SZRD1: variants seen among roughly 807,000 people sequenced by gnomAD.
SZRD1 encodes the protein SUZ RNA-binding domain-containing.
A neutral mutation model predicts 17.6 loss-of-function variants in SZRD1; 7 were observed. The ratio of observed to expected loss-of-function variants is 0.40; its 90% CI spans 0.23 to 0.75. The LOEUF (loss-of-function observed/expected upper bound fraction) is 0.75. Ranked by LOEUF, SZRD1 falls within the 30% of genes least tolerant of loss-of-function variation. The pLI is 0.38. For missense variants in SZRD1, 178 were observed against 201.8 expected, an observed-to-expected ratio of 0.88 and a Z score of 0.71; for synonymous variants, 77 against 77.9, an observed-to-expected ratio of 0.99 and a Z score of 0.06.
intron 3 of SZRD1, among the ~76,000 whole-genome samples, chr1:16,394,494 G>T (rs913521969): frequency 6.6e-6 from 1 of 152,200 alleles, no homozygotes; most frequent in East Asian, 1.9e-4. Context: ...ACAAGTGCAT[G>T]ATGGCAGCTG....
At chr1:16,389,282 G>T (rs1439110084) in intron 1 of SZRD1, among the ~76,000 whole-genome samples, 1 of 132,122 alleles carries the variant, frequency 7.6e-6, no homozygotes, top group Non-Finnish European at 1.6e-5. Flanking sequence ...GGGGTGGGGG[G>T]GGGGCAGAGT....
chr1:16,367,460 T>C, intron 1 of SZRD1, 152 bp downstream of exon 1: 1 of 675,134 alleles, frequency 1.5e-6, no homozygotes, highest in Non-Finnish European at 2.4e-6. Flanking sequence ...CTGAGCGCCG[T>C]GAAGGCCTCT....
At chr1:16,374,370 G>A (rs151166321) in intron 1 of SZRD1, among the ~76,000 whole-genome samples, 165 of 152,280 alleles carry the variant, frequency 1.1e-3, no homozygotes, top group Non-Finnish European at 1.1e-3. Flanking sequence ...GTTTCACTGT[G>A]GCTTCAAAGA....
chr1:16,368,128 CAA>C (rs2082854070), intron 1 of SZRD1: 1 of 152,212 alleles, frequency 6.6e-6, no homozygotes, highest in African/African-American at 2.4e-5. Context: ...TAGTTTATCT[CAA>C]AGAGGATCTG....
chr1:16,391,473 G>T lies in SZRD1; in HGVS notation c.101+49G>T, dbSNP rs941163072. 8.8e-6 allele frequency: 13 copies of T among 1,484,490 alleles called. No homozygotes were observed. Among genetic ancestry groups the T allele is most frequent in the African/African-American group, 1.4e-5 (1 of 71,394 alleles). 92.0% of individuals were successfully genotyped at this position (1,484,490 alleles called of 1,614,324 possible). ...GGCTCATGCTCTCTGTGGTTTGAGAGCCGGGCAGTCAGTGGTGTTCTCCAG... is the reference window on the plus strand; with the variant it reads ...GGCTCATGCTCTCTGTGGTTTGAGATCCGGGCAGTCAGTGGTGTTCTCCAG... On this transcript the variant is annotated intron_variant, in intron 2 of 3. Transcript: ENST00000401088. This position sits in a 1 kb window ranked among gnomAD's most constrained non-coding sequence, Gnocchi z 4.3.
At chr1:16,379,795 C>G (rs947273574) in intron 1 of SZRD1, among the ~76,000 whole-genome samples, 1 of 138,054 alleles carries the variant, frequency 7.2e-6, no homozygotes, top group African/African-American at 2.7e-5. Flanking sequence ...AAGTCTCGCT[C>G]TGTTGCCCAG....
At chr1:16,383,015 G>A (rs1218876553) in intron 1 of SZRD1, among the ~76,000 whole-genome samples, 2 of 151,734 alleles carry the variant, frequency 1.3e-5, no homozygotes, top group Non-Finnish European at 2.9e-5. Context: ...ACAGGTGCCC[G>A]CCACCACGTC....
At chr1:16,378,116 G>T (rs1003645382) in intron 1 of SZRD1, among the ~76,000 whole-genome samples, 2 of 151,958 alleles carry the variant, frequency 1.3e-5, no homozygotes, top group South Asian at 4.1e-4. Flanking sequence ...TTACTTTCAG[G>T]TATAGGGCTG....
intron 1 of SZRD1, among the ~76,000 whole-genome samples, chr1:16,389,445 G>C (rs920837858): frequency 6.7e-6 from 1 of 149,302 alleles, no homozygotes; most frequent in Non-Finnish European, 1.5e-5. Flanking sequence ...TGGGACTACA[G>C]GCGCCCGCCA....
rs577765747 is a variant in SZRD1, at chr1:16,382,493, G to GT, written c.52-8871dup. On this transcript the variant is annotated intron_variant, in intron 1 of 3. Transcript: ENST00000401088. ...ATGAACCACTGCGCCTGGCCACATG[G>GT]TTTTTTTTTTTGTTTTTTTTTAATG... Among the ~76,000 whole-genome samples, 303 of 133,656 alleles carry GT rather than the reference G, an allele frequency of 2.3e-3. 1 individual carries two copies. Among genetic ancestry groups the GT allele is most frequent in the Middle Eastern group, 4.7e-3 (1 of 214 alleles). The allele number at this position is 133,656 out of a possible 152,430, so 87.7% of individuals were successfully genotyped here.
chr1:16,384,178 A>AGAGAC (rs1343453746), intron 1 of SZRD1, among the ~76,000 whole-genome samples: 1 of 152,096 alleles, frequency 6.6e-6, no homozygotes, highest in Non-Finnish European at 1.5e-5. Flanking sequence ...GAAACAAGGC[A>AGAGAC]GAGACGAAAC....
Position 16,393,538 on chromosome 1 carries a change from A to T in SZRD1, c.356+56A>T. On this transcript the variant is annotated intron_variant, in intron 3 of 3. Coordinates refer to ENST00000401088, the MANE Select transcript of SZRD1 (RefSeq NM_001114600.3). The surrounding 1 kb of genome is among the most constrained non-coding windows in gnomAD (Gnocchi z 5.6). ...TGGCTGTCCCAGTCCACCCGGGAAG[A>T]GGAGAGCATCCTGGCTGCGTGTAGA... 6.5e-7 allele frequency: 1 copy of T among 1,538,084 alleles called. No individual in the cohort carries two copies. Among genetic ancestry groups the T allele is most frequent in the Non-Finnish European group, 8.8e-7 (1 of 1,140,696 alleles).
chr1:16,392,193 C>A (rs2085229886), intron 2 of SZRD1, among the ~76,000 whole-genome samples: 1 of 152,194 alleles, frequency 6.6e-6, no homozygotes, highest in Non-Finnish European at 1.5e-5. Context: ...GGGTTACAGT[C>A]CTCGTTCCAT....
At position 16,367,314 on chromosome 1, in the gene SZRD1, G is replaced by C; in HGVS notation, c.51+6G>C. 1 of 1,548,474 alleles carries C rather than the reference G, an allele frequency of 6.5e-7. No individual in the cohort carries two copies. Among genetic ancestry groups the C allele is most frequent in the African/African-American group, 1.4e-5 (1 of 73,058 alleles). On this transcript the variant is annotated splice_donor_region_variant and intron_variant, in intron 1 of 3. Coordinates refer to ENST00000401088, the MANE Select transcript of SZRD1 (RefSeq NM_001114600.3). ...AAGAGGCGGCAGACAGCGGGGTAAG[G>C]AGGAGCCGCCGTCCCATGGCAGGGC...
intron 1 of SZRD1, among the ~76,000 whole-genome samples, chr1:16,380,169 T>C (rs1206004886): frequency 2.0e-5 from 3 of 152,184 alleles, no homozygotes; most frequent in African/African-American, 7.2e-5. Context: ...GTGGTGGAAT[T>C]GCCATCTTAC....
chr1:16,376,145 A>C (rs562396377), intron 1 of SZRD1, among the ~76,000 whole-genome samples: 22 of 152,296 alleles, frequency 1.4e-4, no homozygotes, highest in Admixed American at 9.2e-4. Context: ...GGAGGAAATC[A>C]TGTGGTCGGT....
intron 1 of SZRD1, among the ~76,000 whole-genome samples, chr1:16,377,404 G>A (rs2083023112): frequency 6.6e-6 from 1 of 152,028 alleles, no homozygotes; most frequent in Admixed American, 6.6e-5. Context: ...CCAACATGGT[G>A]AAACCCTGTC....
At chr1:16,375,747 A>C (rs547597163) in intron 1 of SZRD1, among the ~76,000 whole-genome samples, 1 of 152,226 alleles carries the variant, frequency 6.6e-6, no homozygotes, top group Non-Finnish European at 1.5e-5. Context: ...TCTAAAAGGA[A>C]TAATAAATAT....
Position 16,391,299 on chromosome 1 carries a change from T to G in SZRD1, c.52-76T>G. ...CTGGCTAGAGAAAGGACACTGCCCT[T>G]AGCTCCAAAAATAAAGACTAAGTTT... is the stretch of plus-strand genomic sequence containing the variant. On this transcript the variant is annotated intron_variant, in intron 1 of 3. Coordinates refer to ENST00000401088, the MANE Select transcript of SZRD1 (RefSeq NM_001114600.3). The surrounding 1 kb of genome is among the most constrained non-coding windows in gnomAD (Gnocchi z 4.3). 1 of 1,116,590 alleles carries G rather than the reference T, an allele frequency of 9.0e-7. No homozygotes were observed. Among genetic ancestry groups the G allele is most frequent in the African/African-American group, 1.6e-5 (1 of 64,248 alleles). 69.2% of individuals were successfully genotyped at this position (1,116,590 alleles called of 1,614,324 possible). A position where few individuals can be genotyped will look rare whatever the true frequency, so the allele number is the denominator to read the frequency against.
Sources: allele counts gnomAD v4.1 joint callset (sites outside exome capture counted in the v4.1 genomes callset), GRCh38; gene constraint gnomAD v4.1.1; non-coding constraint Gnocchi (gnomAD v3.1); transcripts MANE v1.5; gene names NCBI Gene and HGNC (gene_info 2026-07-23, HGNC 2026-07-21).